RELN: variants seen among roughly 807,000 people sequenced by gnomAD.
RELN encodes reelin.
RELN carries 108 observed loss-of-function variants against 427.6 expected under a neutral mutation model. That is an observed-to-expected ratio of 0.25 (90% CI 0.22 to 0.30). The LOEUF is 0.30. Ranked by LOEUF, RELN falls within the 10% of genes least tolerant of loss-of-function variation. The probability of loss-of-function intolerance (pLI) is 1.00; values close to 1 mark genes in which losing one functional copy is unlikely to be tolerated. For synonymous variants in RELN, 1,524 were observed against 1,513.4 expected, an observed-to-expected ratio of 1.01 and a Z score of -0.16; for missense variants, 3,715 against 4,302.8, an observed-to-expected ratio of 0.86 and a Z score of 3.82.
Position 103,482,902 on chromosome 7 carries a change from T to C in RELN, c.10251A>G (p.Gln3417=), listed in dbSNP as rs780392692. The stretch of plus-strand genomic sequence containing the variant: ...CGACCTCCACATGGTCCAAAGCCCA[T>C]TGATCATGACCTGTTCCATTGTGGC... ...QPRHNGTGHD[Q]WALDHVEVVL... Residue 3417 remains glutamine (Q), a synonymous_variant, in exon 63 of 65, where the codon CAA becomes CAG. Transcript: ENST00000428762. 3 of 1,614,150 alleles carry C rather than the reference T, an allele frequency of 1.9e-6. No individual in the cohort carries two copies. The highest frequency in any genetic ancestry group is 2.5e-6 in the Non-Finnish European group (3 of 1,180,010).
intron 4 of RELN, among the ~76,000 whole-genome samples, chr7:103,763,031 T>A (rs1031081300): frequency 1.3e-5 from 2 of 152,176 alleles, no homozygotes; most frequent in African/African-American, 4.8e-5. Context: ...AGAACACATA[T>A]TATTCAGGAG....
chr7:103,824,209 T>G lies in RELN; in HGVS notation c.473+9328A>C, dbSNP rs867717793. 6.7e-6 allele frequency among the ~76,000 whole-genome samples: 1 copy of G among 148,292 alleles called. No homozygotes were observed. Among genetic ancestry groups the G allele is most frequent in the Non-Finnish European group, 1.5e-5 (1 of 67,982 alleles). On this transcript the variant is annotated intron_variant, in intron 3 of 64. Coordinates refer to ENST00000428762, the MANE Select transcript of RELN (RefSeq NM_005045.4). This position sits in a 1 kb window ranked among gnomAD's most constrained non-coding sequence, Gnocchi z 4.4. ...TGCCATTATCTCTTCAAATTTGTCT[T>G]ATTATTTTTATTCTCTCCTTCTAAA...
intron 45 of RELN, among the ~76,000 whole-genome samples, chr7:103,535,749 A>G (rs980806672): frequency 5.3e-5 from 8 of 152,212 alleles, no homozygotes; most frequent in African/African-American, 1.9e-4. Flanking sequence ...TGTGAATCAC[A>G]TCTTATAATG....
At chr7:103,552,202 A>G (rs1176548546) in intron 40 of RELN, among the ~76,000 whole-genome samples, 1 of 152,158 alleles carries the variant, frequency 6.6e-6, no homozygotes, top group Non-Finnish European at 1.5e-5. Context: ...TCCTTTTCCC[A>G]TGCTTTCAAG....
chr7:103,897,592 T>A (rs150758613), intron 2 of RELN, among the ~76,000 whole-genome samples: 1 of 152,106 alleles, frequency 6.6e-6, no homozygotes, highest in Non-Finnish European at 1.5e-5. Flanking sequence ...CTAGCTGGAA[T>A]GTTTTGGAAA....
At chr7:103,879,740 C>G (rs1334104975) in intron 2 of RELN, among the ~76,000 whole-genome samples, 1 of 152,132 alleles carries the variant, frequency 6.6e-6, no homozygotes, top group Non-Finnish European at 1.5e-5. Flanking sequence ...TCAGTGTTTT[C>G]TAATGTTTGG....
At chr7:103,673,303 T>A (rs548971462) in intron 11 of RELN, among the ~76,000 whole-genome samples, 1 of 152,186 alleles carries the variant, frequency 6.6e-6, no homozygotes, top group Admixed American at 6.5e-5. Flanking sequence ...AACACACATA[T>A]TTATATTTTA....
intron 2 of RELN, among the ~76,000 whole-genome samples, chr7:103,864,397 AAGTT>A (rs1438539916): frequency 2.6e-5 from 4 of 152,152 alleles, no homozygotes; most frequent in Non-Finnish European, 5.9e-5. Flanking sequence ...ACACCTCTAG[AAGTT>A]ACTCACCTTG....
intron 4 of RELN, among the ~76,000 whole-genome samples, chr7:103,766,246 T>C (rs970922342): frequency 2.0e-5 from 3 of 152,162 alleles, no homozygotes; most frequent in African/African-American, 7.2e-5. Flanking sequence ...ACCACTAAAA[T>C]AAAATATAAG....
intron 3 of RELN, among the ~76,000 whole-genome samples, chr7:103,799,659 A>G (rs1018288980): frequency 6.6e-6 from 1 of 152,182 alleles, no homozygotes; most frequent in Non-Finnish European, 1.5e-5. Context: ...AAATTCCCCA[A>G]CTAAATCAAA....
chr7:103,596,054 T>C (rs1245922982), intron 25 of RELN, among the ~76,000 whole-genome samples: 1 of 152,196 alleles, frequency 6.6e-6, no homozygotes, highest in Non-Finnish European at 1.5e-5. Flanking sequence ...GGTGCAGCCA[T>C]GTGAAACACT....
chr7:103,529,377 T>C (rs1249611502), intron 46 of RELN, among the ~76,000 whole-genome samples: 4 of 151,882 alleles, frequency 2.6e-5, no homozygotes, highest in Admixed American at 6.6e-5. Flanking sequence ...TAGAAGGGAA[T>C]AGATAATCTT....
At chr7:103,501,547 T>C (rs1000329369) in intron 52 of RELN, among the ~76,000 whole-genome samples, 4 of 152,240 alleles carry the variant, frequency 2.6e-5, no homozygotes, top group African/African-American at 4.8e-5. Context: ...TATTAAAATA[T>C]GCCATACTAT....
At chr7:103,586,190 C>T (rs1247082122) in intron 28 of RELN, among the ~76,000 whole-genome samples, 3 of 151,788 alleles carry the variant, frequency 2.0e-5, no homozygotes, top group South Asian at 2.1e-4. Flanking sequence ...GGTGAAATCC[C>T]GTTTCTACTA....
chr7:103,627,335 T>C (rs1832350920), intron 20 of RELN, among the ~76,000 whole-genome samples: 2 of 152,174 alleles, frequency 1.3e-5, no homozygotes, highest in East Asian at 1.9e-4. Context: ...AATAAATAGT[T>C]GGTCAATATC....
intron 9 of RELN, among the ~76,000 whole-genome samples, chr7:103,700,163 T>C (rs1278337326): frequency 1.3e-5 from 2 of 152,102 alleles, no homozygotes; most frequent in African/African-American, 4.8e-5. Flanking sequence ...AACCCAATCA[T>C]AATAATCACT....
chr7:103,939,600 A>G (rs901416441), intron 1 of RELN, among the ~76,000 whole-genome samples: 1 of 152,214 alleles, frequency 6.6e-6, no homozygotes, highest in Non-Finnish European at 1.5e-5. Flanking sequence ...GACCTTTAAA[A>G]TAATCATGCT....
chr7:103,574,572 G>T (rs1830956575), intron 29 of RELN, among the ~76,000 whole-genome samples: 1 of 152,190 alleles, frequency 6.6e-6, no homozygotes. Context: ...TCCTGCTACT[G>T]AGGATTTGTG....
At chr7:103,645,770 T>C (rs900131700) in intron 16 of RELN, among the ~76,000 whole-genome samples, 46 of 151,840 alleles carry the variant, frequency 3.0e-4, no homozygotes, top group Non-Finnish European at 4.1e-4. Flanking sequence ...AATTGGACTT[T>C]AGGACAAATG....
Sources: allele counts gnomAD v4.1 joint callset (sites outside exome capture counted in the v4.1 genomes callset), GRCh38; gene constraint gnomAD v4.1.1; non-coding constraint Gnocchi (gnomAD v3.1); transcripts MANE v1.5; gene names NCBI Gene and HGNC (gene_info 2026-07-23, HGNC 2026-07-21).